Variants in EPB41L5 observed in about 807,000 individuals in gnomAD.
EPB41L5 encodes the protein band 4.1-like protein 5.
EPB41L5 carries 55 observed loss-of-function variants against 106.6 expected under a neutral mutation model. That is an observed-to-expected ratio of 0.52 (90% CI 0.42 to 0.65). The LOEUF is 0.65. Ranked by LOEUF, EPB41L5 falls within the 30% of genes least tolerant of loss-of-function variation. EPB41L5 has a pLI of 0.00. For missense variants in EPB41L5, 871 were observed against 882.1 expected (o/e 0.99, Z 0.16); for synonymous variants, 297 against 306.7 (o/e 0.97, Z 0.33).
At chr2:120,160,831 C>G in intron 20 of EPB41L5, 50 bp from the exon 21 acceptor site, 1 of 1,367,958 alleles carries the variant, frequency 7.3e-7, no homozygotes, top group Non-Finnish European at 1.0e-6. Flanking sequence ...AAAATCCTGC[C>G]TGTACCTGTA....
chr2:120,135,501 A>G (rs903878576), intron 18 of EPB41L5, among the ~76,000 whole-genome samples: 4 of 152,242 alleles, frequency 2.6e-5, no homozygotes, highest in East Asian at 1.9e-4. Flanking sequence ...TGAATAATCA[A>G]ACTCCCAAAT....
At chr2:120,056,332 C>G (rs1574550580) in intron 3 of EPB41L5, among the ~76,000 whole-genome samples, 2 of 150,016 alleles carry the variant, frequency 1.3e-5, no homozygotes, top group African/African-American at 4.9e-5. Flanking sequence ...TGGAGTCTCG[C>G]TTTGTTGCCC....
chr2:120,100,601 AT>A (rs1326067232), intron 15 of EPB41L5, 97 bp from the exon 16 acceptor site: 1 of 852,988 alleles, frequency 1.2e-6, no homozygotes, highest in Non-Finnish European at 2.0e-6. Context: ...ATACATTTTA[AT>A]TGTTGGCTTT....
intron 10 of EPB41L5, among the ~76,000 whole-genome samples, chr2:120,084,807 G>A (rs1163675198): frequency 6.6e-6 from 1 of 152,090 alleles, no homozygotes; most frequent in Non-Finnish European, 1.5e-5. Context: ...CATATTTCTT[G>A]GAGGCTTTGT....
At chr2:120,104,174 T>C (rs1684316005) in intron 16 of EPB41L5, 5 of 1,535,994 alleles carry the variant, frequency 3.3e-6, no homozygotes, top group Non-Finnish European at 4.4e-6. Flanking sequence ...ATGAGCACAA[T>C]GTGAAGAATG....
chr2:120,090,677 G>C (rs191346791), intron 12 of EPB41L5, among the ~76,000 whole-genome samples, 161 bp downstream of exon 12: 1 of 152,126 alleles, frequency 6.6e-6, no homozygotes, highest in Non-Finnish European at 1.5e-5. Context: ...AAGTGGTATT[G>C]TTATTGGTTA....
At chr2:120,051,985 C>G (rs1053482178) in intron 3 of EPB41L5, among the ~76,000 whole-genome samples, 1 of 152,098 alleles carries the variant, frequency 6.6e-6, no homozygotes, top group Non-Finnish European at 1.5e-5. Flanking sequence ...CACCACCGTG[C>G]CTGGCTAATG....
chr2:120,166,612 A>G (rs1687423568), intron 22 of EPB41L5, among the ~76,000 whole-genome samples: 1 of 152,176 alleles, frequency 6.6e-6, no homozygotes, highest in African/African-American at 2.4e-5. Context: ...TAATTTTTGT[A>G]TTTTTAGTAG....
At chr2:120,063,802 C>A (rs185530354) in intron 3 of EPB41L5, among the ~76,000 whole-genome samples, 1 of 151,972 alleles carries the variant, frequency 6.6e-6, no homozygotes, top group Non-Finnish European at 1.5e-5. Flanking sequence ...ATTAGCCGGG[C>A]GTGGTGGCGG....
intron 10 of EPB41L5, among the ~76,000 whole-genome samples, chr2:120,084,071 C>G (rs1682886549): frequency 6.6e-6 from 1 of 152,140 alleles, no homozygotes; most frequent in Non-Finnish European, 1.5e-5. Context: ...CAGTCTGTGT[C>G]TTTTAATTGG....
intron 2 of EPB41L5, among the ~76,000 whole-genome samples, chr2:120,035,599 G>A (rs1678994590): frequency 6.6e-6 from 1 of 152,172 alleles, no homozygotes; most frequent in Non-Finnish European, 1.5e-5. Flanking sequence ...AAGGCCACGA[G>A]TTTGAGGCTG....
At chr2:120,052,767 A>G (rs1713069) in intron 3 of EPB41L5, among the ~76,000 whole-genome samples, 2,586 of 152,244 alleles carry the variant, frequency 0.017, 37 homozygotes, top group Non-Finnish European at 0.029. Context: ...CAGTTCTCCA[A>G]TGAGTCTTGT....
At chr2:120,169,594 GTCTC>G (rs1257672844) in intron 24 of EPB41L5, among the ~76,000 whole-genome samples, 1 of 152,010 alleles carries the variant, frequency 6.6e-6, no homozygotes, top group Non-Finnish European at 1.5e-5. Flanking sequence ...CCCTCCTTCT[GTCTC>G]TCTCTCCCTC....
intron 18 of EPB41L5, among the ~76,000 whole-genome samples, chr2:120,142,393 A>G (rs1686212532): frequency 6.6e-6 from 1 of 152,078 alleles, no homozygotes. Flanking sequence ...TTCAGGAATC[A>G]GTTTTTCTTG....
intron 18 of EPB41L5, among the ~76,000 whole-genome samples, chr2:120,140,324 G>T (rs1686116295): frequency 6.6e-6 from 1 of 151,930 alleles, no homozygotes; most frequent in Non-Finnish European, 1.5e-5. Context: ...CACAAGAAAT[G>T]ATAAATGTTT....
At chr2:120,020,884 G>C (rs527281358) in intron 2 of EPB41L5, among the ~76,000 whole-genome samples, 2 of 152,134 alleles carry the variant, frequency 1.3e-5, no homozygotes, top group South Asian at 4.2e-4. Context: ...AGCTTTTAAA[G>C]TGGTGGAACA....
chr2:120,155,576 C>A (rs1686864793), intron 20 of EPB41L5, among the ~76,000 whole-genome samples: 1 of 151,988 alleles, frequency 6.6e-6, no homozygotes, highest in Admixed American at 6.6e-5. Flanking sequence ...ATTATTTATT[C>A]AAATAATCTT....
chr2:120,068,537 T>C (rs1213473940), intron 3 of EPB41L5, among the ~76,000 whole-genome samples: 1 of 152,098 alleles, frequency 6.6e-6, no homozygotes, highest in Non-Finnish European at 1.5e-5. Context: ...GCGTCCGCCG[T>C]TACTGAGGCT....
chr2:120,089,168 TA>T (rs1245314897), intron 11 of EPB41L5, among the ~76,000 whole-genome samples: 12 of 152,118 alleles, frequency 7.9e-5, no homozygotes, highest in Non-Finnish European at 1.5e-4. Flanking sequence ...ATAGTGTCTT[TA>T]AATAACCTGA....
Sources: gnomAD v4.1 joint callset for allele counts (sites outside exome capture counted in the v4.1 genomes callset) on GRCh38, gnomAD v4.1.1 for gene constraint, MANE v1.5 for transcripts, NCBI Gene and HGNC (gene_info 2026-07-23, HGNC 2026-07-21) for gene names.